Variants in PPM1D observed in about 807,000 individuals in gnomAD.
PPM1D encodes protein phosphatase, Mg2+/Mn2+ dependent 1D.
Under a neutral mutation model 58.3 loss-of-function variants are expected in PPM1D, and 52 were observed. The ratio of observed to expected loss-of-function variants is 0.89; its 90% CI spans 0.71 to 1.12. The LOEUF is 1.12. PPM1D is among the 50% of genes most tolerant of loss of function. The probability of loss-of-function intolerance (pLI) is 0.00; values close to 1 mark genes in which losing one functional copy is unlikely to be tolerated. For missense variants in PPM1D, 564 were observed against 777.2 expected, an observed-to-expected ratio of 0.73 and a Z score of 3.26; for synonymous variants, 278 against 285.1, an observed-to-expected ratio of 0.98 and a Z score of 0.25.
At chr17:60,645,212 G>C (rs932067645) in intron 3 of PPM1D, among the ~76,000 whole-genome samples, 1 of 152,066 alleles carries the variant, frequency 6.6e-6, no homozygotes, top group Non-Finnish European at 1.5e-5. Flanking sequence ...AAATTAGCCA[G>C]ATGTGGTGGC....
In PPM1D at chr17:60,664,695, C is replaced by T. The variant is rs1485286073; in HGVS notation, c.*1143C>T. ...GCCTGCTCTGAAAAAGTTTCTGATT[C>T]TGGAGCATTTTGGATTTTGGATTTT... On this transcript the variant is annotated 3_prime_UTR_variant, in exon 6 of 6. Coordinates refer to ENST00000305921, the MANE Select transcript of PPM1D (RefSeq NM_003620.4). 1 of 152,220 alleles carries T rather than the reference C, an allele frequency of 6.6e-6. No homozygotes were observed. The highest frequency in any genetic ancestry group is 1.5e-5 in the Non-Finnish European group (1 of 68,044). 9.4% of individuals were successfully genotyped at this position (152,220 alleles called of 1,614,324 possible).
intron 1 of PPM1D, among the ~76,000 whole-genome samples, chr17:60,620,121 C>A (rs1457969577): frequency 2.0e-5 from 3 of 152,046 alleles, no homozygotes; most frequent in African/African-American, 4.8e-5. Context: ...GTCTCAGCCT[C>A]CCCAGTGGCT....
chr17:60,615,209 C>T (rs921171277), intron 1 of PPM1D, among the ~76,000 whole-genome samples: 3 of 152,010 alleles, frequency 2.0e-5, no homozygotes, highest in East Asian at 1.9e-4. Flanking sequence ...CCAGCCTGGG[C>T]AACATAGTGG....
intron 3 of PPM1D, among the ~76,000 whole-genome samples, chr17:60,641,164 T>C (rs2031126998): frequency 6.6e-6 from 1 of 152,228 alleles, no homozygotes; most frequent in Non-Finnish European, 1.5e-5. Context: ...TTCTTTGAGA[T>C]ATCTCCACAC....
intron 4 of PPM1D, among the ~76,000 whole-genome samples, chr17:60,653,018 A>G (rs1273305149): frequency 6.6e-6 from 1 of 151,784 alleles, no homozygotes; most frequent in Non-Finnish European, 1.5e-5. Flanking sequence ...TCATTTGTCT[A>G]TTTTTGCTTT....
intron 5 of PPM1D, among the ~76,000 whole-genome samples, chr17:60,661,217 C>T (rs966297866): frequency 2.0e-5 from 2 of 101,870 alleles, no homozygotes; most frequent in African/African-American, 5.5e-5. Flanking sequence ...GAAACTCCAT[C>T]TCAAAAAAAA....
rs375741147 is a variant in PPM1D at position 60,647,842 on chromosome 17, C to G, written c.827-50C>G. Reference sequence around the variant, plus strand: ...TCTCTTTTAATCTGTTGCTGTTGTACTATTAGCTTCCAACTAATACTTCTT... The same window carrying G: ...TCTCTTTTAATCTGTTGCTGTTGTAGTATTAGCTTCCAACTAATACTTCTT... On this transcript the variant is annotated intron_variant, in intron 3 of 5. Coordinates refer to ENST00000305921, the MANE Select transcript of PPM1D (RefSeq NM_003620.4). The G allele has an allele frequency of 2.5e-5, 38 of 1,490,704 alleles. No individual in the cohort carries two copies. In the African/African-American group the frequency reaches 4.7e-4, roughly 19 times the overall value. The allele number at this position is 1,490,704 out of a possible 1,614,324, so 92.3% of individuals were successfully genotyped here. A position where few individuals can be genotyped will look rare whatever the true frequency, so the allele number is the denominator to read the frequency against.
chr17:60,633,122 C>T (rs1405084339), intron 2 of PPM1D, among the ~76,000 whole-genome samples: 1 of 151,830 alleles, frequency 6.6e-6, no homozygotes, highest in Non-Finnish European at 1.5e-5. Flanking sequence ...CCCATCTCTG[C>T]TAAAAATACA....
chr17:60,628,491 C>T (rs554094662), intron 2 of PPM1D, among the ~76,000 whole-genome samples: 2 of 152,232 alleles, frequency 1.3e-5, no homozygotes, highest in Middle Eastern at 3.4e-3. Context: ...CCGTAAGAGT[C>T]CTCTGTACTT....
chr17:60,655,765 G>A (rs2031427177), intron 4 of PPM1D, among the ~76,000 whole-genome samples: 1 of 149,388 alleles, frequency 6.7e-6, no homozygotes, highest in Non-Finnish European at 1.5e-5. Context: ...GTGGTGGCCT[G>A]ATCTTGGCTC....
At chr17:60,620,709 C>T (rs188541727) in intron 1 of PPM1D, among the ~76,000 whole-genome samples, 1 of 152,074 alleles carries the variant, frequency 6.6e-6, no homozygotes, top group Non-Finnish European at 1.5e-5. Context: ...AGGCTTTCAC[C>T]ATGTTGGTCA....
Position 60,663,267 on chromosome 17 carries a change from A to G in PPM1D, c.1533A>G (p.Lys511=), listed in dbSNP as rs1324601582. The G allele has an allele frequency of 1.4e-5, 22 of 1,614,092 alleles. No homozygotes were observed. Among genetic ancestry groups the G allele is most frequent in the Non-Finnish European group, 1.9e-5 (22 of 1,180,044 alleles). The change falls in exon 6 of 6, where the codon AAA becomes AAG. Residue 511 remains lysine (K), a synonymous_variant. Coordinates refer to ENST00000305921, the MANE Select transcript of PPM1D (RefSeq NM_003620.4). ...CAACAAACACTGTCATGGACCAAAA[A>G]AATTTGAAGATGTCAACTCCTGGCC... is the stretch of plus-strand genomic sequence containing the variant. ...TNSTNTVMDQ[K]NLKMSTPGQM... is the part of the protein sequence containing the mutation.
chr17:60,618,819 G>A (rs2030637315), intron 1 of PPM1D, among the ~76,000 whole-genome samples: 1 of 152,116 alleles, frequency 6.6e-6, no homozygotes, highest in Admixed American at 6.6e-5. Flanking sequence ...ATGATTTTAT[G>A]TATGTATACA....
rs751779868 is a variant in PPM1D at position 60,663,310 on chromosome 17, AT to A, written c.1578del (p.Ile526MetfsTer13). On this transcript the variant is annotated frameshift_variant, in exon 6 of 6. Transcript: ENST00000305921. LOFTEE classifies it high-confidence loss of function. ...TCCTGGCCAAATGAAAGCCCAAGAA[AT>A]TGAAAGAACCCCTCCAACAAACTTT... is the stretch of plus-strand genomic sequence containing the variant. ...STPGQMKAQE[I>X]ERTPPTNFKR... The A allele has an allele frequency of 6.2e-7, 1 of 1,614,222 alleles. No individual in the cohort carries two copies. The highest frequency in any genetic ancestry group is 8.5e-7 in the Non-Finnish European group (1 of 1,180,032).
chr17:60,622,884 G>T (rs951746835), intron 1 of PPM1D, among the ~76,000 whole-genome samples: 1 of 152,198 alleles, frequency 6.6e-6, no homozygotes, highest in African/African-American at 2.4e-5. Flanking sequence ...ATCACCCAAG[G>T]TCAGGAGTTT....
chr17:60,611,884 A>T lies in PPM1D; in HGVS notation c.472+10998A>T, dbSNP rs2030462660. Among the ~76,000 whole-genome samples, 4 of 152,064 alleles carry T rather than the reference A, an allele frequency of 2.6e-5. 1 individual carries two copies. In the South Asian group the frequency reaches 8.3e-4, roughly 31 times the overall value. ...TTCTTGATATCTCATGTTTTTAAAGATGCTATTGTGTTCTCTTCTAAGAGG... is the reference window on the plus strand; with the variant it reads ...TTCTTGATATCTCATGTTTTTAAAGTTGCTATTGTGTTCTCTTCTAAGAGG... On this transcript the variant is annotated intron_variant, in intron 1 of 5. Transcript: ENST00000305921.
At chr17:60,649,082 T>A (rs758170827) in intron 4 of PPM1D, among the ~76,000 whole-genome samples, 1 of 151,878 alleles carries the variant, frequency 6.6e-6, no homozygotes. Flanking sequence ...CTTCTACTAC[T>A]TTTTTTGTTT....
chr17:60,633,703 A>C, intron 2 of PPM1D, 150 bp from the exon 3 acceptor site: 1 of 836,944 alleles, frequency 1.2e-6, no homozygotes, highest in Non-Finnish European at 1.8e-6. Context: ...CTGAACAGGA[A>C]TTTTGGCTTA....
rs2143608076 is a variant in PPM1D at position 60,600,820 on chromosome 17, G to A, written c.406G>A (p.Ala136Thr). Reference sequence around the variant, plus strand: ...GAAGGGTTTCACCTCGTCCGAGCCGGCTAAGGTTTGCGCTGCCATCCGCAA... The same window carrying A: ...GAAGGGTTTCACCTCGTCCGAGCCGACTAAGGTTTGCGCTGCCATCCGCAA... The part of the protein sequence containing the change: ...KQKGFTSSEP[A>T]KVCAAIRKGF... The change falls in exon 1 of 6, where the codon GCT becomes ACT. Residue 136 changes from alanine to threonine, a missense_variant. Physicochemically the swap from Ala to Thr is moderately conservative, Grantham distance 58. This residue lies in a region of PPM1D where 23 missense variants were observed against 28.9 expected (regional missense o/e 0.80). Coordinates refer to ENST00000305921, the MANE Select transcript of PPM1D (RefSeq NM_003620.4). 1 of 1,613,086 alleles carries A rather than the reference G, an allele frequency of 6.2e-7. No homozygotes were observed. The highest frequency in any genetic ancestry group is 8.5e-7 in the Non-Finnish European group (1 of 1,180,014).
Sources: allele counts gnomAD v4.1 joint callset (sites outside exome capture counted in the v4.1 genomes callset), GRCh38; gene constraint gnomAD v4.1.1; regional missense constraint gnomAD v4.1.1; transcripts MANE v1.5; gene names NCBI Gene and HGNC (gene_info 2026-07-23, HGNC 2026-07-21).